The following COA1 variants were observed in gnomAD, a reference collection of about 807,000 sequenced individuals.
COA1 encodes cytochrome c oxidase assembly factor 1 homolog.
COA1 carries 13 observed loss-of-function variants against 16.0 expected under a neutral mutation model. That is an observed-to-expected ratio of 0.81 (90% CI 0.53 to 1.29). The LOEUF is 1.29. COA1 is among the 50% of genes most tolerant of loss of function. The pLI is 0.00. For synonymous variants in COA1, 65 were observed against 65.7 expected (o/e 0.99, Z 0.05); for missense variants, 179 against 177.0 (o/e 1.01, Z -0.06).
intron 1 of COA1, among the ~76,000 whole-genome samples, chr7:43,697,948 G>A (rs894338979): frequency 6.6e-6 from 1 of 152,206 alleles, no homozygotes; most frequent in African/African-American, 2.4e-5. Context: ...TATAAAGGTA[G>A]ATAGCAGCTC....
chr7:43,693,651 C>T (rs1418356918), intron 1 of COA1, among the ~76,000 whole-genome samples: 1 of 152,122 alleles, frequency 6.6e-6, no homozygotes, highest in Non-Finnish European at 1.5e-5. Flanking sequence ...CATCTTTTCA[C>T]CATCCTTCAC....
At chr7:43,628,669 T>C (rs941645087) in intron 6 of COA1, among the ~76,000 whole-genome samples, 2 of 152,100 alleles carry the variant, frequency 1.3e-5, no homozygotes, top group African/African-American at 4.8e-5. Flanking sequence ...CGGTATCTCA[T>C]GGTGGTTTAG....
At chr7:43,635,154 T>G (rs2153047129), downstream of COA1, among the ~76,000 whole-genome samples, 1 of 152,272 alleles carries the variant, frequency 6.6e-6, no homozygotes, top group Admixed American at 6.5e-5. Context: ...TTATATAATT[T>G]TATAAATATT....
intron 6 of COA1, among the ~76,000 whole-genome samples, chr7:43,614,727 T>G (rs978195299): frequency 2.0e-5 from 3 of 152,238 alleles, no homozygotes; most frequent in African/African-American, 7.2e-5. Context: ...TTGTTTAACT[T>G]CATTTTTAGA....
At chr7:43,714,826 G>A (rs142824298) in intron 1 of COA1, among the ~76,000 whole-genome samples, 2 of 151,622 alleles carry the variant, frequency 1.3e-5, no homozygotes, top group Non-Finnish European at 2.9e-5. Flanking sequence ...TGGCCAACAT[G>A]GTGAAATCTC....
At chr7:43,719,156 C>T (rs555316998) in intron 1 of COA1, among the ~76,000 whole-genome samples, 63 of 152,006 alleles carry the variant, frequency 4.1e-4, no homozygotes, top group African/African-American at 1.4e-3. Context: ...TTAGTAGAGA[C>T]GAGGTTTCAC....
At chr7:43,619,710 C>A (rs915848033) in intron 6 of COA1, 1 of 1,613,480 alleles carries the variant, frequency 6.2e-7, no homozygotes, top group Non-Finnish European at 8.5e-7. Context: ...TTATGGGTAC[C>A]CCTGAATATG....
chr7:43,692,102 T>C (rs2094390807), intron 1 of COA1, among the ~76,000 whole-genome samples: 1 of 152,152 alleles, frequency 6.6e-6, no homozygotes, highest in African/African-American at 2.4e-5. Flanking sequence ...AACCCCCATA[T>C]CTCACAGCCT....
Position 43,668,533 on chromosome 7 carries a change from G to T in COA1, c.-38-19881C>A, listed in dbSNP as rs575643428. ...CTGGAGAGAGAAATTGTGCTCCAAA[G>T]CTTATCATACATTTGTCATTAAATC... On this transcript the variant is annotated intron_variant, in intron 1 of 5. Transcript: ENST00000223336. 3.8e-4 allele frequency among the ~76,000 whole-genome samples: 58 copies of T among 152,260 alleles called. 1 individual carries two copies. The South Asian group carries it at 0.011, about 30-fold the overall frequency.
At chr7:43,720,534 C>T (rs2095485920) in intron 1 of COA1, among the ~76,000 whole-genome samples, 1 of 151,786 alleles carries the variant, frequency 6.6e-6, no homozygotes, top group Admixed American at 6.6e-5. Context: ...TTAAAAATGG[C>T]TGCTGTGTGA....
chr7:43,674,358 T>C (rs1244465149), intron 1 of COA1, among the ~76,000 whole-genome samples: 1 of 152,254 alleles, frequency 6.6e-6, no homozygotes, highest in African/African-American at 2.4e-5. Context: ...ATGTGTTATA[T>C]TGTCCTGTTT....
intron 1 of COA1, among the ~76,000 whole-genome samples, chr7:43,662,685 C>T (rs1027468278): frequency 4.6e-5 from 7 of 152,044 alleles, no homozygotes; most frequent in Non-Finnish European, 7.4e-5. Flanking sequence ...TAAAGATATG[C>T]CATTTATGTT....
chr7:43,674,083 C>T (rs1378493345), intron 1 of COA1, among the ~76,000 whole-genome samples: 2 of 152,154 alleles, frequency 1.3e-5, no homozygotes, highest in Non-Finnish European at 2.9e-5. Flanking sequence ...ATAATCTGTA[C>T]ATCCAACCCC....
chr7:43,695,646 A>T (rs1274286407), intron 1 of COA1, among the ~76,000 whole-genome samples: 1 of 152,072 alleles, frequency 6.6e-6, no homozygotes, highest in African/African-American at 2.4e-5. Flanking sequence ...CGGCAAATAC[A>T]AATTAGAGAA....
chr7:43,655,511 C>T (rs2091578164), intron 1 of COA1, among the ~76,000 whole-genome samples: 1 of 152,058 alleles, frequency 6.6e-6, no homozygotes, highest in African/African-American at 2.4e-5. Context: ...ATCAACCGGG[C>T]ATGGTGGTGT....
chr7:43,695,371 G>A (rs550315137), intron 1 of COA1, among the ~76,000 whole-genome samples: 1 of 152,096 alleles, frequency 6.6e-6, no homozygotes, highest in South Asian at 2.1e-4. Flanking sequence ...GCAGTTCTAT[G>A]AGCATGTCAG....
intron 1 of COA1, among the ~76,000 whole-genome samples, chr7:43,664,334 A>C (rs1339525643): frequency 6.6e-6 from 1 of 152,106 alleles, no homozygotes; most frequent in Non-Finnish European, 1.5e-5. Context: ...TATCAAGGTG[A>C]CCAAATTCCC....
chr7:43,725,280 A>G (rs1418269013), intron 1 of COA1, among the ~76,000 whole-genome samples: 2 of 152,074 alleles, frequency 1.3e-5, no homozygotes, highest in African/African-American at 4.8e-5. Flanking sequence ...CTGGAGATAG[A>G]TGGTGGTTAT....
At chr7:43,710,375 A>AAAATATATAT (rs761592421) in intron 1 of COA1, among the ~76,000 whole-genome samples, 6 of 36,448 alleles carry the variant, frequency 1.6e-4, no homozygotes, top group African/African-American at 7.8e-4. Context: ...AAAAAAAAAA[A>AAAATATATAT]ATATATATAT....
Sources: gnomAD v4.1 joint callset for allele counts (sites outside exome capture counted in the v4.1 genomes callset) on GRCh38, gnomAD v4.1.1 for gene constraint, MANE v1.5 for transcripts, NCBI Gene and HGNC (gene_info 2026-07-23, HGNC 2026-07-21) for gene names.